The following AGBL1 variants were observed in gnomAD, a reference collection of about 807,000 sequenced individuals.
AGBL1 encodes the protein AGBL carboxypeptidase 1, also known as cytosolic carboxypeptidase 4.
A neutral mutation model predicts 118.9 loss-of-function variants in AGBL1; 130 were observed. The ratio of observed to expected loss-of-function variants is 1.09; its 90% CI spans 0.95 to 1.26. AGBL1 has a LOEUF of 1.26. Ranked by LOEUF, AGBL1 falls within the 50% of genes most tolerant of loss-of-function variation. The probability of loss-of-function intolerance (pLI) is 0.00; values close to 1 mark genes in which losing one functional copy is unlikely to be tolerated. For synonymous variants in AGBL1, 555 were observed against 478.9 expected, an observed-to-expected ratio of 1.16 and a Z score of -2.08; for missense variants, 1,584 against 1,298.1, an observed-to-expected ratio of 1.22 and a Z score of -3.38.
chr15:86,678,055 A>G (rs1414974716), intron 22 of AGBL1, among the ~76,000 whole-genome samples: 1 of 152,186 alleles, frequency 6.6e-6, no homozygotes, highest in East Asian at 1.9e-4. Context: ...GATGCCTTGC[A>G]GCCCATATAC....
chr15:86,650,372 T>C (rs1174770999), intron 21 of AGBL1, among the ~76,000 whole-genome samples: 1 of 152,160 alleles, frequency 6.6e-6, no homozygotes, highest in East Asian at 1.9e-4. Flanking sequence ...GCTATATAAA[T>C]TTATAAGGTA....
chr15:86,548,382 T>G (rs772112366), intron 20 of AGBL1, among the ~76,000 whole-genome samples: 1 of 152,154 alleles, frequency 6.6e-6, no homozygotes, highest in Non-Finnish European at 1.5e-5. Flanking sequence ...TGGTACTACT[T>G]CTAGTTATGT....
At position 86,721,565 on chromosome 15, in the gene AGBL1, A is replaced by C. The variant is rs564864042; in HGVS notation, c.3158+47129A>C. Among the ~76,000 whole-genome samples the C allele has an allele frequency of 5.3e-3, 811 of 152,336 alleles. 4 individuals are homozygous for C. Among genetic ancestry groups the C allele is most frequent in the Middle Eastern group, 0.01 (3 of 294 alleles). On this transcript the variant is annotated intron_variant, in intron 22 of 22. Transcript: ENST00000614907. The stretch of plus-strand genomic sequence containing the variant: ...GCCAATATCATACTGAATGGGCAAA[A>C]ACTGGAAGTATTCCCTTTGAAAACT...
At chr15:86,904,398 A>T (rs1465125483) in intron 22 of AGBL1, among the ~76,000 whole-genome samples, 1 of 150,800 alleles carries the variant, frequency 6.6e-6, no homozygotes, top group Non-Finnish European at 1.5e-5. Context: ...AAGAGGAAAA[A>T]GTAAAAATAC....
At chr15:86,504,345 CTT>C (rs1415396605) in intron 18 of AGBL1, among the ~76,000 whole-genome samples, 1 of 151,374 alleles carries the variant, frequency 6.6e-6, no homozygotes. Context: ...AGTTGGAACA[CTT>C]TAAAAAAATC....
intron 22 of AGBL1, among the ~76,000 whole-genome samples, chr15:86,833,417 GGTGA>G (rs957706214): frequency 3.2e-4 from 49 of 151,992 alleles, no homozygotes; most frequent in African/African-American, 1.1e-3. Flanking sequence ...TTCTCCTGAT[GGTGA>G]GTAAGTCTCA....
chr15:86,551,201 A>T (rs1338161469), intron 20 of AGBL1, among the ~76,000 whole-genome samples: 1 of 152,128 alleles, frequency 6.6e-6, no homozygotes, highest in Non-Finnish European at 1.5e-5. Flanking sequence ...ATCCCAAAGT[A>T]TAAGAAAGAA....
chr15:86,919,684 G>A (rs1338560089), downstream of AGBL1, among the ~76,000 whole-genome samples: 2 of 152,142 alleles, frequency 1.3e-5, no homozygotes, highest in South Asian at 2.1e-4. Context: ...CTAATTTGGT[G>A]CCTGTTGCAG....
chr15:86,487,110 C>T (rs1596178444), intron 18 of AGBL1, among the ~76,000 whole-genome samples: 2 of 152,076 alleles, frequency 1.3e-5, no homozygotes, highest in South Asian at 4.1e-4. Context: ...CTTGCCAGCT[C>T]TTTTTGGTTT....
At chr15:86,783,473 A>G (rs1248323240) in intron 22 of AGBL1, among the ~76,000 whole-genome samples, 1 of 152,186 alleles carries the variant, frequency 6.6e-6, no homozygotes, top group Non-Finnish European at 1.5e-5. Context: ...GAACAGGAAG[A>G]ATGTGTGGTC....
intron 17 of AGBL1, among the ~76,000 whole-genome samples, chr15:86,367,189 G>A (rs2080901201): frequency 6.6e-6 from 1 of 152,188 alleles, no homozygotes; most frequent in Non-Finnish European, 1.5e-5. Context: ...AAAAGTTTGG[G>A]AGAATGGAAT....
intron 17 of AGBL1, among the ~76,000 whole-genome samples, chr15:86,375,706 C>T (rs1208167133): frequency 2.6e-5 from 4 of 152,206 alleles, no homozygotes; most frequent in African/African-American, 9.7e-5. Context: ...AACACAGTCT[C>T]TTGTGTAGCC....
intron 22 of AGBL1, among the ~76,000 whole-genome samples, chr15:86,697,585 CA>C (rs963055742): frequency 1.3e-4 from 19 of 151,214 alleles, no homozygotes; most frequent in Non-Finnish European, 2.5e-4. Flanking sequence ...AACCTTCTGA[CA>C]ATTCAGGGAT....
intron 21 of AGBL1, among the ~76,000 whole-genome samples, chr15:86,607,667 T>A (rs2084596779): frequency 6.6e-6 from 1 of 152,228 alleles, no homozygotes; most frequent in Non-Finnish European, 1.5e-5. Flanking sequence ...TGACTTACTA[T>A]GTTGAACATC....
intron 18 of AGBL1, among the ~76,000 whole-genome samples, chr15:86,409,434 C>A (rs186129812): frequency 3.9e-4 from 60 of 152,184 alleles, no homozygotes; most frequent in African/African-American, 1.3e-3. Context: ...GGAGTGTGTT[C>A]CCAAGGGCTT....
At chr15:86,137,921 T>A (rs928807685) in intron 1 of AGBL1, among the ~76,000 whole-genome samples, 2 of 152,206 alleles carry the variant, frequency 1.3e-5, no homozygotes, top group African/African-American at 4.8e-5. Flanking sequence ...AATGTTGATT[T>A]AATATATACC....
intron 23 of AGBL1, among the ~76,000 whole-genome samples, chr15:86,984,588 A>G (rs1596707493): frequency 6.6e-6 from 1 of 151,898 alleles, no homozygotes; most frequent in Non-Finnish European, 1.5e-5. Flanking sequence ...CTCGTCTTGA[A>G]CACCTGACCT....
At chr15:86,834,355 T>C (rs772435837) in intron 22 of AGBL1, among the ~76,000 whole-genome samples, 7 of 152,014 alleles carry the variant, frequency 4.6e-5, no homozygotes, top group African/African-American at 1.7e-4. Context: ...AGAAGGGAGA[T>C]CATGAATGTC....
chr15:86,904,616 CTAT>C (rs1442435345), intron 22 of AGBL1, among the ~76,000 whole-genome samples: 9 of 147,722 alleles, frequency 6.1e-5, no homozygotes, highest in African/African-American at 2.2e-4. Flanking sequence ...TTTGTAGTAT[CTAT>C]TATATTTATT....
Sources: allele counts gnomAD v4.1 joint callset (sites outside exome capture counted in the v4.1 genomes callset), GRCh38; gene constraint gnomAD v4.1.1; transcripts MANE v1.5; gene names NCBI Gene and HGNC (gene_info 2026-07-23, HGNC 2026-07-21).